Variants in CDC7 observed in about 807,000 individuals in gnomAD.
The protein encoded by CDC7 is cell division cycle 7.
Under a neutral mutation model 53.5 loss-of-function variants are expected in CDC7, and 34 were observed. The ratio of observed to expected loss-of-function variants is 0.64; its 90% CI spans 0.48 to 0.85. The LOEUF (loss-of-function observed/expected upper bound fraction) is 0.85. CDC7 is among the 40% of genes least tolerant of loss of function. CDC7 has a pLI of 0.00. For synonymous variants in CDC7, 211 were observed against 222.8 expected (o/e 0.95, Z 0.47); for missense variants, 594 against 679.7 (o/e 0.87, Z 1.40).
At chr1:91,522,574 A>T (rs1325599743) in intron 11 of CDC7, among the ~76,000 whole-genome samples, 1 of 151,912 alleles carries the variant, frequency 6.6e-6, no homozygotes, top group Non-Finnish European at 1.5e-5. Context: ...TTGGTCATAT[A>T]AAAAAAAGCA....
chr1:91,505,860 T>C (rs1666957266), intron 2 of CDC7, among the ~76,000 whole-genome samples: 1 of 152,198 alleles, frequency 6.6e-6, no homozygotes, highest in South Asian at 2.1e-4. Flanking sequence ...GCATAATAAG[T>C]GAGTAGTGGT....
rs1033703486 is a variant in CDC7 at position 91,507,803 on chromosome 1, G to T, written c.116-51G>T. On this transcript the variant is annotated intron_variant, in intron 2 of 11. Coordinates refer to ENST00000234626, the MANE Select transcript of CDC7 (RefSeq NM_003503.4). ...TGAGCTTTTTAAATTTTAAGAAACT[G>T]TAAAATATACTGTCATTGATTAAAA... 4.1e-5 allele frequency: 46 copies of T among 1,113,688 alleles called. No homozygotes were observed. In the East Asian group the frequency reaches 1.1e-3, roughly 27 times the overall value. The allele number at this position is 1,113,688 out of a possible 1,614,324, so 69.0% of individuals were successfully genotyped here.
intron 7 of CDC7, among the ~76,000 whole-genome samples, chr1:91,513,554 T>C (rs1225123248): frequency 6.6e-6 from 1 of 152,176 alleles, no homozygotes; most frequent in East Asian, 1.9e-4. Flanking sequence ...GAAATCATAT[T>C]TTATGACAAA....
chr1:91,513,917 CTTATTTTCCTTGTTT>C lies in CDC7; in HGVS notation c.823-28_823-14del. The C allele has an allele frequency of 6.8e-7, 1 of 1,468,246 alleles. No individual in the cohort carries two copies. The highest frequency in any genetic ancestry group is 9.5e-7 in the Non-Finnish European group (1 of 1,048,794). 91.0% of individuals were successfully genotyped at this position (1,468,246 alleles called of 1,614,324 possible). A position where few individuals can be genotyped will look rare whatever the true frequency, so the allele number is the denominator to read the frequency against. On this transcript the variant is annotated splice_polypyrimidine_tract_variant and intron_variant, in intron 7 of 11. Coordinates refer to ENST00000234626, the MANE Select transcript of CDC7 (RefSeq NM_003503.4). ...GGCAGAAAGTGTTACAGATATAATCCTTATTTTCCTTGTTTTTGTTGGTATTGTAGGAGGGATCTG... is the reference window on the plus strand; with the variant it reads ...GGCAGAAAGTGTTACAGATATAATCCTTGTTGGTATTGTAGGAGGGATCTG...
chr1:91,508,127 TAA>T, intron 3 of CDC7, 133 bp from the exon 4 acceptor site: 13 of 761,362 alleles, frequency 1.7e-5, no homozygotes, highest in Non-Finnish European at 2.4e-5. Flanking sequence ...GAATAAATAA[TAA>T]ATATTTACTG....
intron 9 of CDC7, 24 bp downstream of exon 9, chr1:91,515,021 A>G (rs762397094): frequency 6.3e-7 from 1 of 1,588,754 alleles, no homozygotes; most frequent in South Asian, 1.1e-5. Flanking sequence ...ATGGTGTTAT[A>G]AAATCACCAG....
intron 2 of CDC7, among the ~76,000 whole-genome samples, chr1:91,503,888 A>AT (rs1040783583): frequency 3.1e-4 from 47 of 151,748 alleles, no homozygotes; most frequent in Middle Eastern, 3.4e-3. Flanking sequence ...TCTGATCTCC[A>AT]TTTTTTTTAA....
At position 91,524,402 on chromosome 1, in the gene CDC7, G is replaced by A; in HGVS notation, c.1692G>A (p.Leu564=). The A allele has an allele frequency of 6.2e-7, 1 of 1,610,092 alleles. No homozygotes were observed. Among genetic ancestry groups the A allele is most frequent in the Non-Finnish European group, 8.5e-7 (1 of 1,179,374 alleles). ...PASRITAEEA[L]LHPFFKDMSL ...CAAGAATAACAGCAGAAGAAGCTTT[G>A]TTGCATCCATTTTTTAAAGATATGA... is the stretch of plus-strand genomic sequence containing the variant. The change falls in exon 12 of 12, where the codon TTG becomes TTA. Residue 564 remains leucine (L), a synonymous_variant. Coordinates refer to ENST00000234626, the MANE Select transcript of CDC7 (RefSeq NM_003503.4).
chr1:91,507,043 C>G (rs1402702475), intron 2 of CDC7, among the ~76,000 whole-genome samples: 1 of 152,194 alleles, frequency 6.6e-6, no homozygotes, highest in Admixed American at 6.5e-5. Flanking sequence ...GTTTCCTTAT[C>G]TGAAAAATCA....
chr1:91,515,706 T>C, intron 9 of CDC7, 88 bp from the exon 10 acceptor site: 1 of 1,520,340 alleles, frequency 6.6e-7, no homozygotes, highest in South Asian at 1.2e-5. Context: ...AAGGCAAAAT[T>C]TACTGTGAAC....
At chr1:91,522,723 C>G (rs1158379232) in intron 11 of CDC7, among the ~76,000 whole-genome samples, 1 of 152,148 alleles carries the variant, frequency 6.6e-6, no homozygotes, top group Non-Finnish European at 1.5e-5. Context: ...ATGATAGAAT[C>G]AGTTTAAAAG....
chr1:91,515,732 T>G, intron 9 of CDC7, 62 bp from the exon 10 acceptor site: 3 of 1,592,460 alleles, frequency 1.9e-6, no homozygotes, highest in Non-Finnish European at 2.6e-6. Context: ...TGATGAATGT[T>G]ATTTTTTAGA....
chr1:91,514,207 C>G (rs1027831683), intron 8 of CDC7, among the ~76,000 whole-genome samples, 164 bp downstream of exon 8: 2 of 152,048 alleles, frequency 1.3e-5, no homozygotes, highest in Non-Finnish European at 2.9e-5. Context: ...CTTGTTTTCT[C>G]CAGTTTTTTT....
intron 11 of CDC7, among the ~76,000 whole-genome samples, chr1:91,520,625 A>G (rs1020211396): frequency 2.0e-5 from 3 of 152,130 alleles, no homozygotes; most frequent in Admixed American, 1.3e-4. Flanking sequence ...TTACTTTGTA[A>G]TATGTTTTAC....
chr1:91,504,645 G>T (rs560765028), intron 2 of CDC7, among the ~76,000 whole-genome samples: 1 of 152,052 alleles, frequency 6.6e-6, no homozygotes, highest in Non-Finnish European at 1.5e-5. Context: ...TCTAGCTTAC[G>T]GCTATTGTCA....
At chr1:91,510,249 G>A (rs534129922) in intron 4 of CDC7, among the ~76,000 whole-genome samples, 1 of 151,634 alleles carries the variant, frequency 6.6e-6, no homozygotes, top group African/African-American at 2.4e-5. Context: ...GACATTGCTT[G>A]AAAGATGTCT....
At chr1:91,508,442 T>G in intron 4 of CDC7, 45 bp downstream of exon 4, 1 of 1,471,288 alleles carries the variant, frequency 6.8e-7, no homozygotes, top group South Asian at 1.2e-5. Flanking sequence ...ATATAATTTA[T>G]AAGATTTTAA....
intron 10 of CDC7, among the ~76,000 whole-genome samples, chr1:91,517,624 C>T (rs566514606): frequency 6.6e-6 from 1 of 152,222 alleles, no homozygotes; most frequent in South Asian, 2.1e-4. Context: ...AGCGAAGGAG[C>T]TGGGCTAGAA....
intron 2 of CDC7, among the ~76,000 whole-genome samples, chr1:91,504,940 A>G (rs1439697948): frequency 1.3e-5 from 2 of 152,242 alleles, no homozygotes; most frequent in African/African-American, 2.4e-5. Context: ...TAGTTAGACA[A>G]TAGACAGAGA....
Sources: gnomAD v4.1 joint callset for allele counts (sites outside exome capture counted in the v4.1 genomes callset) on GRCh38, gnomAD v4.1.1 for gene constraint, MANE v1.5 for transcripts, NCBI Gene and HGNC (gene_info 2026-07-23, HGNC 2026-07-21) for gene names.